MECOM: variants seen among roughly 807,000 people sequenced by gnomAD.
MECOM encodes the protein histone-lysine N-methyltransferase MECOM.
MECOM carries 13 observed loss-of-function variants against 116.3 expected under a neutral mutation model. The observed-to-expected ratio is 0.11, with a 90% confidence interval of 0.07 to 0.18. The LOEUF is 0.18. Among genes scored for constraint, MECOM ranks in the 10% least tolerant of loss-of-function variants. The pLI is 1.00. For synonymous variants in MECOM, 528 were observed against 535.2 expected, an observed-to-expected ratio of 0.99 and a Z score of 0.19; for missense variants, 1,299 against 1,509.0, an observed-to-expected ratio of 0.86 and a Z score of 2.31.
rs563597659 is a variant in MECOM at position 169,497,898 on chromosome 3, C to T, written c.38-116374G>A. Among the ~76,000 whole-genome samples, 28 of 152,224 alleles carry T rather than the reference C, an allele frequency of 1.8e-4. No homozygotes were observed. In the East Asian group the frequency reaches 4.8e-3, roughly 26 times the overall value. On this transcript the variant is annotated intron_variant, in intron 1 of 16. Coordinates refer to ENST00000651503, the MANE Select transcript of MECOM (RefSeq NM_004991.4). ...AGAAGAGTTTTGTTTTGTTTTGTTTCTTAGGCCAACATATGCCATATATCC... is the reference window on the plus strand; with the variant it reads ...AGAAGAGTTTTGTTTTGTTTTGTTTTTTAGGCCAACATATGCCATATATCC...
At chr3:169,477,638 T>A (rs1750690863) in intron 1 of MECOM, among the ~76,000 whole-genome samples, 1 of 152,226 alleles carries the variant, frequency 6.6e-6, no homozygotes, top group African/African-American at 2.4e-5. Context: ...CTTCCTGATA[T>A]GCCCAAACAC....
intron 1 of MECOM, among the ~76,000 whole-genome samples, chr3:169,537,135 C>A (rs1343514513): frequency 6.6e-6 from 1 of 152,146 alleles, no homozygotes; most frequent in Admixed American, 6.5e-5. Flanking sequence ...CACTTCAATA[C>A]TAAAATGTGA....
intron 1 of MECOM, among the ~76,000 whole-genome samples, chr3:169,483,469 T>C (rs1457788543): frequency 2.1e-5 from 3 of 141,154 alleles, no homozygotes; most frequent in African/African-American, 8.0e-5. Flanking sequence ...TACTCTGGTA[T>C]TACCACGAGA....
At chr3:169,372,349 T>C (rs1340560530) in intron 2 of MECOM, among the ~76,000 whole-genome samples, 1 of 152,036 alleles carries the variant, frequency 6.6e-6, no homozygotes, top group Non-Finnish European at 1.5e-5. Context: ...GCAAAGAAAA[T>C]GTGCCACAAG....
intron 2 of MECOM, among the ~76,000 whole-genome samples, chr3:169,277,841 T>A (rs1218385865): frequency 6.6e-6 from 1 of 152,206 alleles, no homozygotes; most frequent in Admixed American, 6.5e-5. Context: ...CAAAACATTC[T>A]TCTTGACTTC....
chr3:169,476,661 C>A (rs1048477925), intron 1 of MECOM, among the ~76,000 whole-genome samples: 4 of 152,068 alleles, frequency 2.6e-5, no homozygotes, highest in African/African-American at 9.7e-5. Flanking sequence ...ATGCTCTCTG[C>A]AAGTAATCTT....
intron 10 of MECOM, among the ~76,000 whole-genome samples, 166 bp downstream of exon 10, chr3:169,107,760 A>T (rs1040439062): frequency 6.6e-6 from 1 of 152,214 alleles, no homozygotes; most frequent in East Asian, 1.9e-4. Context: ...CCCAATTATA[A>T]CTGAAAGAAT....
chr3:169,636,222 C>T (rs1772733553), intron 1 of MECOM, among the ~76,000 whole-genome samples: 1 of 152,124 alleles, frequency 6.6e-6, no homozygotes, highest in Non-Finnish European at 1.5e-5. Context: ...ACTCACCCTG[C>T]CAATTTTCAT....
Position 169,663,403 on chromosome 3 carries a change from T to C in MECOM, c.-31A>G, listed in dbSNP as rs561471168. 1.9e-6 allele frequency: 3 copies of C among 1,601,878 alleles called. No individual in the cohort carries two copies. The highest frequency in any genetic ancestry group is 2.7e-5 in the African/African-American group (2 of 74,768). On this transcript the variant is annotated 5_prime_UTR_variant, in exon 1 of 17. Transcript: ENST00000651503. The stretch of plus-strand genomic sequence containing the variant: ...GCCCAGTCCTGCAGCCGCTGGTGTG[T>C]GGTTGGGGCTTTTTTTTCTTGGATC...
chr3:169,595,955 A>G (rs968280861), intron 1 of MECOM, among the ~76,000 whole-genome samples: 7 of 152,200 alleles, frequency 4.6e-5, no homozygotes, highest in Middle Eastern at 3.2e-3. Context: ...AATTTCAATC[A>G]GACACTAGCA....
chr3:169,212,755 T>C (rs1750934068), intron 2 of MECOM, among the ~76,000 whole-genome samples: 1 of 148,488 alleles, frequency 6.7e-6, no homozygotes, highest in Non-Finnish European at 1.5e-5. Context: ...TCACCTAGCC[T>C]AGTAATCTAA....
At chr3:169,541,518 T>C (rs1296037704) in intron 1 of MECOM, among the ~76,000 whole-genome samples, 2 of 152,310 alleles carry the variant, frequency 1.3e-5, no homozygotes, top group East Asian at 3.9e-4. Context: ...ATGCTGGCAT[T>C]TGTTTCCAAC....
Position 169,483,680 on chromosome 3 carries a change from G to T in MECOM, c.38-102156C>A, listed in dbSNP as rs554423988. On this transcript the variant is annotated intron_variant, in intron 1 of 16. Coordinates refer to ENST00000651503, the MANE Select transcript of MECOM (RefSeq NM_004991.4). ...TCCAGATAAATGAAATTTAATCCTC[G>T]TCTTCCTCCTCTTCTTCGTCCTGGT... is the stretch of plus-strand genomic sequence containing the variant. 1,607 of 1,558,506 alleles carry T rather than the reference G, an allele frequency of 1.0e-3. 20 individuals are homozygous for T. In the African/African-American group the frequency reaches 0.019, roughly 19 times the overall value.
At chr3:169,211,523 TGC>T (rs1363275468) in intron 2 of MECOM, among the ~76,000 whole-genome samples, 1 of 152,162 alleles carries the variant, frequency 6.6e-6, no homozygotes. Flanking sequence ...TGATATTATG[TGC>T]CACTGACCAA....
chr3:169,543,096 A>C (rs1046141162), intron 1 of MECOM, among the ~76,000 whole-genome samples: 7 of 152,234 alleles, frequency 4.6e-5, no homozygotes, highest in African/African-American at 1.7e-4. Context: ...TTTTTTTAAT[A>C]TTTAGAGAAA....
At chr3:169,461,401 A>C (rs1747416818) in intron 1 of MECOM, among the ~76,000 whole-genome samples, 1 of 152,206 alleles carries the variant, frequency 6.6e-6, no homozygotes, top group Non-Finnish European at 1.5e-5. Flanking sequence ...GGAAGCTGAC[A>C]TCATGGCAAA....
chr3:169,391,721 A>G (rs1344305877), intron 1 of MECOM, among the ~76,000 whole-genome samples: 1 of 152,214 alleles, frequency 6.6e-6, no homozygotes, highest in Non-Finnish European at 1.5e-5. Flanking sequence ...CTAAGTGGTA[A>G]CACAAGCTAG....
At chr3:169,343,383 C>T (rs1724871426) in intron 2 of MECOM, among the ~76,000 whole-genome samples, 1 of 152,070 alleles carries the variant, frequency 6.6e-6, no homozygotes, top group Middle Eastern at 3.2e-3. Flanking sequence ...ACAATGTTGG[C>T]AGCTGCTTGA....
At chr3:169,492,129 C>T (rs536444128) in intron 1 of MECOM, among the ~76,000 whole-genome samples, 7 of 152,270 alleles carry the variant, frequency 4.6e-5, no homozygotes, top group Non-Finnish European at 1.0e-4. Context: ...TGGCATGACC[C>T]TACTGACTTT....
Sources: allele counts gnomAD v4.1 joint callset (sites outside exome capture counted in the v4.1 genomes callset), GRCh38; gene constraint gnomAD v4.1.1; transcripts MANE v1.5; gene names NCBI Gene and HGNC (gene_info 2026-07-23, HGNC 2026-07-21).